The following ALK variants were observed in gnomAD, a reference collection of about 807,000 sequenced individuals.
The protein encoded by ALK is ALK receptor tyrosine kinase.
Under a neutral mutation model 163.1 loss-of-function variants are expected in ALK, and 74 were observed. That is an observed-to-expected ratio of 0.45 (90% confidence interval 0.38 to 0.55). The LOEUF is 0.55. ALK is among the 20% of genes least tolerant of loss of function. The pLI is 0.00. For missense variants in ALK, 2,063 were observed against 2,105.3 expected, an observed-to-expected ratio of 0.98 and a Z score of 0.39; for synonymous variants, 960 against 843.2, an observed-to-expected ratio of 1.14 and a Z score of -2.40.
At chr2:29,542,253 T>A (rs1673431888) in intron 3 of ALK, among the ~76,000 whole-genome samples, 1 of 152,218 alleles carries the variant, frequency 6.6e-6, no homozygotes, top group African/African-American at 2.4e-5. Context: ...TCTAGCTGAT[T>A]TTTTTCTATT....
intron 1 of ALK, among the ~76,000 whole-genome samples, chr2:29,907,636 C>T (rs1361304418): frequency 1.3e-5 from 2 of 152,142 alleles, no homozygotes; most frequent in Non-Finnish European, 2.9e-5. Context: ...TATGAACTTT[C>T]CTAAATCTAA....
At chr2:29,484,484 C>G (rs1671734800) in intron 4 of ALK, among the ~76,000 whole-genome samples, 1 of 152,100 alleles carries the variant, frequency 6.6e-6, no homozygotes, top group Non-Finnish European at 1.5e-5. Context: ...ACTTAGCAAG[C>G]TTTAAGTATA....
rs144017230 is a variant in ALK, at chr2:29,821,652, G to A, written c.667+98341C>T. Among the ~76,000 whole-genome samples the A allele has an allele frequency of 1.1e-3, 168 of 152,194 alleles. 1 individual carries two copies. Among genetic ancestry groups the A allele is most frequent in the African/African-American group, 3.7e-3 (155 of 41,530 alleles). ...CATCTGTAGGGGTTCTGGGGCACTC[G>A]ATTGCTCCAGATCACTCTGCTCCTG... On this transcript the variant is annotated intron_variant, in intron 1 of 28. Coordinates refer to ENST00000389048, the MANE Select transcript of ALK (RefSeq NM_004304.5).
chr2:29,590,419 T>A (rs1478859273), intron 3 of ALK, among the ~76,000 whole-genome samples: 1 of 152,144 alleles, frequency 6.6e-6, no homozygotes, highest in East Asian at 1.9e-4. Flanking sequence ...GACAAAGATT[T>A]TTTGCCAGAT....
At chr2:29,671,677 ATTCTCCTACTACT>A (rs1353474159) in intron 3 of ALK, among the ~76,000 whole-genome samples, 1 of 151,932 alleles carries the variant, frequency 6.6e-6, no homozygotes, top group Non-Finnish European at 1.5e-5. Flanking sequence ...TGAAAGTCTG[ATTCTCCTACTACT>A]TGCTTAGAAT....
At chr2:29,340,884 C>T (rs966546077) in intron 5 of ALK, among the ~76,000 whole-genome samples, 2 of 152,156 alleles carry the variant, frequency 1.3e-5, no homozygotes, top group Non-Finnish European at 2.9e-5. Flanking sequence ...ATCGTCTCTC[C>T]TTTCCTTGCT....
At chr2:29,699,121 G>C (rs1678655240) in intron 2 of ALK, among the ~76,000 whole-genome samples, 2 of 152,128 alleles carry the variant, frequency 1.3e-5, no homozygotes, top group Admixed American at 1.3e-4. Context: ...AGAGACTGTA[G>C]AATCTATTTT....
chr2:29,665,623 T>C (rs2148265662), intron 3 of ALK, among the ~76,000 whole-genome samples: 1 of 152,160 alleles, frequency 6.6e-6, no homozygotes, highest in East Asian at 1.9e-4. Context: ...CTATGCAGGA[T>C]AGGACACAGT....
chr2:29,724,298 CCT>C (rs1679505667), intron 1 of ALK, among the ~76,000 whole-genome samples: 1 of 152,052 alleles, frequency 6.6e-6, no homozygotes, highest in Admixed American at 6.5e-5. Flanking sequence ...TTGTTTTTTC[CCT>C]GTTATTTGAA....
rs144437923 is a variant in ALK, at chr2:29,220,718, G to T, written c.3633C>A (p.Thr1211=). The change falls in exon 23 of 29, where the codon ACC becomes ACA. Residue 1211 remains threonine, a synonymous_variant. Transcript: ENST00000389048. ...GGTTCTCACTCACCGGGCGAGGGCG[G>T]GTCTCTCGGAGGAAGGACTTGAGGT... ...GGDLKSFLRE[T]RPRPSQPSSL... 455 of 1,613,634 alleles carry T rather than the reference G, an allele frequency of 2.8e-4. 1 individual carries two copies. Among genetic ancestry groups the T allele is most frequent in the Non-Finnish European group, 3.4e-4 (403 of 1,179,778 alleles).
intron 3 of ALK, among the ~76,000 whole-genome samples, chr2:29,554,226 G>C (rs1673787013): frequency 6.6e-6 from 1 of 152,096 alleles, no homozygotes; most frequent in South Asian, 2.1e-4. Flanking sequence ...TATATTCATA[G>C]ATATCATTAA....
intron 4 of ALK, among the ~76,000 whole-genome samples, chr2:29,409,114 C>T (rs1669665391): frequency 6.6e-6 from 1 of 152,176 alleles, no homozygotes; most frequent in African/African-American, 2.4e-5. Flanking sequence ...AGGAGAGACA[C>T]AGATGGGCGA....
intron 4 of ALK, among the ~76,000 whole-genome samples, chr2:29,449,333 C>T (rs1670765704): frequency 6.6e-6 from 1 of 152,178 alleles, no homozygotes; most frequent in African/African-American, 2.4e-5. Context: ...AAAGCACGTT[C>T]ATTGCCTAGT....
chr2:29,218,807 G>A lies in ALK; in HGVS notation c.3645+1899C>T, dbSNP rs531471552. Among the ~76,000 whole-genome samples the A allele has an allele frequency of 2.6e-5, 4 of 152,394 alleles. 1 individual carries two copies. In the South Asian group the frequency reaches 8.3e-4, roughly 32 times the overall value. On this transcript the variant is annotated intron_variant, in intron 23 of 28. Transcript: ENST00000389048. ...GTCCCCCACTGACAGCAGTGCTGCT[G>A]AGAATCTCAGGGCATGAGGGCCAAA... is the stretch of plus-strand genomic sequence containing the variant.
intron 4 of ALK, among the ~76,000 whole-genome samples, chr2:29,522,605 T>A (rs771347853): frequency 7.9e-5 from 12 of 152,104 alleles, no homozygotes; most frequent in Non-Finnish European, 1.3e-4. Flanking sequence ...CAAGGCTACA[T>A]GGTCAATGCT....
chr2:29,865,314 A>G (rs1394373842), intron 1 of ALK, among the ~76,000 whole-genome samples: 1 of 152,250 alleles, frequency 6.6e-6, no homozygotes, highest in Admixed American at 6.5e-5. Flanking sequence ...TTGCTAGGAC[A>G]TAGGCTGTCC....
chr2:29,445,086 T>G (rs1670639240), intron 4 of ALK, among the ~76,000 whole-genome samples: 1 of 152,244 alleles, frequency 6.6e-6, no homozygotes, highest in African/African-American at 2.4e-5. Flanking sequence ...TCCCATTGTG[T>G]GTCTCCCCTG....
chr2:29,741,461 G>A (rs1331179166), intron 1 of ALK, among the ~76,000 whole-genome samples: 1 of 152,188 alleles, frequency 6.6e-6, no homozygotes. Context: ...TAATTTTGCT[G>A]CGAACCTAAA....
chr2:29,830,659 A>G (rs1665342501), intron 1 of ALK, among the ~76,000 whole-genome samples: 1 of 133,696 alleles, frequency 7.5e-6, no homozygotes, highest in African/African-American at 2.8e-5. Context: ...GCTTGAGGTC[A>G]GGAGTTGAAG....
Sources: gnomAD v4.1 joint callset for allele counts (sites outside exome capture counted in the v4.1 genomes callset) on GRCh38, gnomAD v4.1.1 for gene constraint, MANE v1.5 for transcripts, NCBI Gene and HGNC (gene_info 2026-07-23, HGNC 2026-07-21) for gene names.